Variants in ARHGEF3 observed in about 807,000 individuals in gnomAD.
ARHGEF3 encodes Rho guanine nucleotide exchange factor 3, also known as 59.8 kDA protein.
In ARHGEF3, 28 loss-of-function variants were observed where a neutral mutation model predicts 63.2. That is an observed-to-expected ratio of 0.44 (90% confidence interval 0.33 to 0.61). The LOEUF is 0.61. Ranked by LOEUF, ARHGEF3 falls within the 20% of genes least tolerant of loss-of-function variation. The pLI is 0.03. For missense variants in ARHGEF3, 533 were observed against 659.3 expected (o/e 0.81, Z 2.10); for synonymous variants, 266 against 254.2 (o/e 1.05, Z -0.44).
chr3:56,958,691 G>A, intron 3 of ARHGEF3: 1 of 966,982 alleles, frequency 1.0e-6, no homozygotes, highest in Non-Finnish European at 1.5e-6. Context: ...TCCCCAAGTG[G>A]TAAAGCACAG....
chr3:56,818,707 AC>A (rs2038358614), intron 4 of ARHGEF3, among the ~76,000 whole-genome samples: 1 of 152,068 alleles, frequency 6.6e-6, no homozygotes, highest in Non-Finnish European at 1.5e-5. Context: ...CCACAGGTAA[AC>A]CTCCCCCTGC....
intron 2 of ARHGEF3, among the ~76,000 whole-genome samples, chr3:56,996,657 G>C (rs911852073): frequency 6.6e-6 from 1 of 152,084 alleles, no homozygotes; most frequent in African/African-American, 2.4e-5. Flanking sequence ...AATTTCTGTT[G>C]TTTATAAGCC....
intron 2 of ARHGEF3, chr3:56,975,780 C>T: frequency 2.3e-6 from 1 of 426,428 alleles, no homozygotes; most frequent in East Asian, 7.5e-5. Context: ...AGGCGCAGAG[C>T]CAATACTGAG....
At chr3:56,759,209 G>C (rs989422780) in intron 2 of ARHGEF3, among the ~76,000 whole-genome samples, 1 of 131,764 alleles carries the variant, frequency 7.6e-6, no homozygotes, top group East Asian at 2.2e-4. Context: ...ATGGAGTCTC[G>C]CTCTGTCGCC....
intron 3 of ARHGEF3, among the ~76,000 whole-genome samples, chr3:56,933,386 TTTC>T (rs962575660): frequency 5.3e-5 from 8 of 149,950 alleles, no homozygotes; most frequent in African/African-American, 1.5e-4. Flanking sequence ...TGGAAAAATG[TTTC>T]TTTTCTTTTT....
At chr3:57,038,776 G>A (rs1231249118) in intron 1 of ARHGEF3, among the ~76,000 whole-genome samples, 1 of 152,162 alleles carries the variant, frequency 6.6e-6, no homozygotes, top group East Asian at 1.9e-4. Flanking sequence ...CACAGCCACT[G>A]CTGACTCAGT....
chr3:56,919,584 A>G (rs886199213), intron 3 of ARHGEF3, among the ~76,000 whole-genome samples: 31 of 152,316 alleles, frequency 2.0e-4, no homozygotes, highest in African/African-American at 7.2e-4. Flanking sequence ...TTGAAATGTC[A>G]CTTCTCATTG....
At chr3:56,895,472 A>ATTTT (rs11323819) in intron 3 of ARHGEF3, among the ~76,000 whole-genome samples, 1 of 77,218 alleles carries the variant, frequency 1.3e-5, no homozygotes, top group Non-Finnish European at 3.0e-5. Flanking sequence ...TTATTTATTT[A>ATTTT]TTTTTTTTTG....
chr3:56,913,966 C>T lies in ARHGEF3; in HGVS notation c.130-31612G>A, dbSNP rs549103413. ...TCAGCCATAAAAAGGAATGAATTAA[C>T]GGCATTGCAGCAACCTGGATGAGAC... is the stretch of plus-strand genomic sequence containing the variant. On this transcript the variant is annotated intron_variant, in intron 3 of 12. Coordinates refer to the ARHGEF3 transcript ENST00000338458. 5.3e-5 allele frequency among the ~76,000 whole-genome samples: 8 copies of T among 152,266 alleles called. No homozygotes were observed. In the South Asian group the frequency reaches 8.3e-4, roughly 16 times the overall value.
At chr3:56,913,590 C>T (rs2041910559) in intron 3 of ARHGEF3, among the ~76,000 whole-genome samples, 1 of 152,172 alleles carries the variant, frequency 6.6e-6, no homozygotes, top group South Asian at 2.1e-4. Flanking sequence ...TTGTGGAAAA[C>T]AGTATGGCGG....
intron 4 of ARHGEF3, among the ~76,000 whole-genome samples, chr3:56,863,719 G>T (rs2040153852): frequency 6.6e-6 from 1 of 152,156 alleles, no homozygotes; most frequent in Non-Finnish European, 1.5e-5. Context: ...ACAGGTGTGA[G>T]CCACCACACC....
At chr3:56,873,524 T>C (rs2040497566) in intron 4 of ARHGEF3, among the ~76,000 whole-genome samples, 1 of 152,142 alleles carries the variant, frequency 6.6e-6, no homozygotes, top group African/African-American at 2.4e-5. Context: ...CTAAAGATAA[T>C]GGCCCCATCC....
chr3:57,000,526 T>C (rs6785256), intron 2 of ARHGEF3, among the ~76,000 whole-genome samples: 193 of 101,816 alleles, frequency 1.9e-3, no homozygotes, highest in African/African-American at 6.4e-3. Flanking sequence ...ATTACTACTA[T>C]TATTATTATT....
At chr3:57,030,730 G>A (rs1703697454) in intron 2 of ARHGEF3, among the ~76,000 whole-genome samples, 1 of 152,142 alleles carries the variant, frequency 6.6e-6, no homozygotes, top group South Asian at 2.1e-4. Context: ...CTATCTGTCT[G>A]CAGTCACTGA....
At chr3:56,899,772 C>A (rs2041442513) in intron 3 of ARHGEF3, among the ~76,000 whole-genome samples, 1 of 152,172 alleles carries the variant, frequency 6.6e-6, no homozygotes, top group Non-Finnish European at 1.5e-5. Flanking sequence ...ACAGAGAAAG[C>A]AACTCTCTGT....
intron 1 of ARHGEF3, among the ~76,000 whole-genome samples, chr3:57,054,624 G>A (rs569041767): frequency 6.7e-6 from 1 of 149,944 alleles, no homozygotes; most frequent in Non-Finnish European, 1.5e-5. Flanking sequence ...GGGTGACAGA[G>A]TGAGACCCCA....
At chr3:56,777,421 G>A (rs772452124) in intron 1 of ARHGEF3, among the ~76,000 whole-genome samples, 3 of 152,148 alleles carry the variant, frequency 2.0e-5, no homozygotes, top group African/African-American at 7.2e-5. Flanking sequence ...TATGAACAAA[G>A]GAGAATAAAA....
intron 7 of ARHGEF3, among the ~76,000 whole-genome samples, chr3:56,744,967 T>G (rs2034285776): frequency 6.6e-6 from 1 of 152,222 alleles, no homozygotes; most frequent in South Asian, 2.1e-4. Context: ...AGAATTTTAC[T>G]AAGGGACCTT....
At chr3:56,829,525 A>G (rs2038854427) in intron 4 of ARHGEF3, among the ~76,000 whole-genome samples, 1 of 152,316 alleles carries the variant, frequency 6.6e-6, no homozygotes, top group Non-Finnish European at 1.5e-5. Flanking sequence ...ATCTGCCTAC[A>G]GTGGAGAAAT....
Sources: gnomAD v4.1 joint callset for allele counts (sites outside exome capture counted in the v4.1 genomes callset) on GRCh38, gnomAD v4.1.1 for gene constraint, MANE v1.5 for transcripts, NCBI Gene and HGNC (gene_info 2026-07-23, HGNC 2026-07-21) for gene names.